Variants in AGBL4 observed in about 807,000 individuals in gnomAD.
AGBL4 encodes the protein AGBL carboxypeptidase 4, also known as cytosolic carboxypeptidase 6.
Under a neutral mutation model 66.4 loss-of-function variants are expected in AGBL4, and 58 were observed. The ratio of observed to expected loss-of-function variants is 0.87; its 90% CI spans 0.71 to 1.09. The LOEUF (loss-of-function observed/expected upper bound fraction) is 1.09. Among genes scored for constraint, AGBL4 ranks in the 50% least tolerant of loss-of-function variants. The pLI, the probability that AGBL4 is intolerant of heterozygous loss-of-function variation, is 0.00. For missense variants in AGBL4, 579 were observed against 631.0 expected, an observed-to-expected ratio of 0.92 and a Z score of 0.88; for synonymous variants, 234 against 222.9, an observed-to-expected ratio of 1.05 and a Z score of -0.44.
intron 3 of AGBL4, among the ~76,000 whole-genome samples, chr1:49,561,723 T>C (rs1459381715): frequency 6.6e-6 from 1 of 152,238 alleles, no homozygotes; most frequent in African/African-American, 2.4e-5. Flanking sequence ...GATATTTGGG[T>C]TGGTTCCAAG....
At chr1:49,991,186 T>C (rs1659915219) in intron 1 of AGBL4, among the ~76,000 whole-genome samples, 1 of 152,184 alleles carries the variant, frequency 6.6e-6, no homozygotes, top group Non-Finnish European at 1.5e-5. Context: ...CTTTCATTTA[T>C]GAGACAGAAC....
intron 8 of AGBL4, chr1:48,647,560 A>G (rs1435881136): frequency 2.3e-6 from 1 of 441,172 alleles, no homozygotes; most frequent in Non-Finnish European, 4.5e-6. Context: ...AAGGTCTATG[A>G]CTGTTTACTT....
At chr1:49,457,857 A>G (rs1187756484) in intron 3 of AGBL4, among the ~76,000 whole-genome samples, 1 of 151,788 alleles carries the variant, frequency 6.6e-6, no homozygotes, top group East Asian at 1.9e-4. Flanking sequence ...TTTACCAAAG[A>G]TAAATTGACG....
chr1:49,069,009 G>A (rs1557613419), intron 4 of AGBL4, among the ~76,000 whole-genome samples: 2 of 152,072 alleles, frequency 1.3e-5, no homozygotes, highest in African/African-American at 2.4e-5. Flanking sequence ...TCATGTTTCT[G>A]TTGGCTGCAT....
chr1:48,904,151 C>T (rs944840851), intron 5 of AGBL4, among the ~76,000 whole-genome samples: 3 of 150,294 alleles, frequency 2.0e-5, no homozygotes, highest in Non-Finnish European at 3.0e-5. Flanking sequence ...TAGTGGTGGG[C>T]GCCTGTAATC....
At chr1:48,693,457 A>C (rs1646666179) in intron 6 of AGBL4, among the ~76,000 whole-genome samples, 2 of 152,158 alleles carry the variant, frequency 1.3e-5, no homozygotes, top group African/African-American at 4.8e-5. Context: ...CCGTTTGGCC[A>C]GGTGGTCTCC....
chr1:50,000,751 A>G (rs1660686743), intron 1 of AGBL4, among the ~76,000 whole-genome samples: 1 of 152,212 alleles, frequency 6.6e-6, no homozygotes, highest in African/African-American at 2.4e-5. Context: ...AAAAGGAACT[A>G]AATAATGGCA....
At chr1:49,498,568 AT>A (rs895264403) in intron 3 of AGBL4, among the ~76,000 whole-genome samples, 4 of 151,616 alleles carry the variant, frequency 2.6e-5, no homozygotes, top group African/African-American at 9.7e-5. Flanking sequence ...GTTGGAGGAC[AT>A]TTTGCTAAGT....
At chr1:49,018,942 C>A (rs1354130315) in intron 5 of AGBL4, among the ~76,000 whole-genome samples, 1 of 152,128 alleles carries the variant, frequency 6.6e-6, no homozygotes, top group Non-Finnish European at 1.5e-5. Context: ...TTTGTGTAAA[C>A]TCCTACATTG....
chr1:49,203,640 G>T (rs1242870787), intron 4 of AGBL4, among the ~76,000 whole-genome samples: 2 of 152,156 alleles, frequency 1.3e-5, no homozygotes, highest in Middle Eastern at 3.4e-3. Context: ...TTGTTTAATG[G>T]TTTAAGAGTT....
chr1:49,956,195 T>C (rs758118359), intron 1 of AGBL4, among the ~76,000 whole-genome samples: 7 of 151,884 alleles, frequency 4.6e-5, no homozygotes, highest in Non-Finnish European at 7.4e-5. Flanking sequence ...AGATAAAATA[T>C]ACCATAGAAT....
intron 5 of AGBL4, among the ~76,000 whole-genome samples, chr1:48,972,375 A>C (rs1026096034): frequency 1.3e-5 from 2 of 152,162 alleles, no homozygotes; most frequent in African/African-American, 4.8e-5. Flanking sequence ...ACATGATCCT[A>C]GTTTAGGTCT....
intron 4 of AGBL4, among the ~76,000 whole-genome samples, chr1:49,104,546 G>T (rs1246585213): frequency 6.6e-6 from 1 of 152,022 alleles, no homozygotes; most frequent in African/African-American, 2.4e-5. Flanking sequence ...ATGGAAGAAG[G>T]GGAGATCAGA....
chr1:49,652,713 G>A (rs1646033504), intron 3 of AGBL4, among the ~76,000 whole-genome samples: 1 of 152,142 alleles, frequency 6.6e-6, no homozygotes, highest in Non-Finnish European at 1.5e-5. Flanking sequence ...CAGCAGCTGG[G>A]ACAGTTCAAG....
rs967859257 is a variant in AGBL4, at chr1:49,257,886, T to A, written c.283-12022A>T. ...TAGAGGGTCCCTGACCCCTGATCCC[T>A]GAGCAGCCTAACTGGGAGGCACCCC... On this transcript the variant is annotated intron_variant, in intron 3 of 13. Transcript: ENST00000371839. Among the ~76,000 whole-genome samples, 3 of 152,242 alleles carry A rather than the reference T, an allele frequency of 2.0e-5. No individual in the cohort carries two copies. The South Asian group carries it at 6.2e-4, about 32-fold the overall frequency.
At chr1:49,430,829 C>A (rs548929573) in intron 3 of AGBL4, among the ~76,000 whole-genome samples, 1 of 152,326 alleles carries the variant, frequency 6.6e-6, no homozygotes, top group Admixed American at 6.5e-5. Flanking sequence ...AATGCCCTCA[C>A]TTCTAATGCC....
chr1:49,954,842 G>A (rs964576893), intron 1 of AGBL4, among the ~76,000 whole-genome samples: 3 of 151,786 alleles, frequency 2.0e-5, no homozygotes, highest in Admixed American at 2.0e-4. Flanking sequence ...AAAAAATATA[G>A]AAGGATTCTT....
intron 11 of AGBL4, chr1:48,583,832 T>C (rs1644774754): frequency 6.7e-6 from 1 of 149,650 alleles, no homozygotes; most frequent in Non-Finnish European, 1.5e-5. Flanking sequence ...CCCTGAAGTC[T>C]CCCTCTGTTA....
chr1:48,556,865 T>C (rs1471071185), intron 11 of AGBL4, among the ~76,000 whole-genome samples: 1 of 152,182 alleles, frequency 6.6e-6, no homozygotes, highest in Non-Finnish European at 1.5e-5. Context: ...CTCGGCTCAC[T>C]GCAACCTCCC....
Sources: allele counts gnomAD v4.1 joint callset (sites outside exome capture counted in the v4.1 genomes callset), GRCh38; gene constraint gnomAD v4.1.1; transcripts MANE v1.5; gene names NCBI Gene and HGNC (gene_info 2026-07-23, HGNC 2026-07-21).